Variants in DAB1 observed in about 807,000 individuals in gnomAD.
The protein encoded by DAB1 is disabled homolog 1.
Under a neutral mutation model 64.6 loss-of-function variants are expected in DAB1, and 15 were observed. That is an observed-to-expected ratio of 0.23 (90% CI 0.16 to 0.36). DAB1 has a LOEUF of 0.36. Ranked by LOEUF, DAB1 falls within the 10% of genes least tolerant of loss-of-function variation. The pLI, the probability that DAB1 is intolerant of heterozygous loss-of-function variation, is 1.00. For missense variants in DAB1, 596 were observed against 706.7 expected, an observed-to-expected ratio of 0.84 and a Z score of 1.78; for synonymous variants, 235 against 251.9, an observed-to-expected ratio of 0.93 and a Z score of 0.64.
Position 57,145,477 on chromosome 1 carries a change from G to A in DAB1, c.68-48C>T, listed in dbSNP as rs747420936. On this transcript the variant is annotated intron_variant, in intron 2 of 14. Coordinates refer to ENST00000371236, the MANE Select transcript of DAB1 (RefSeq NM_001365792.1). ...CAAATATGTAGCTGTGCAGACCCCA[G>A]TGGCTTTGAGTATCCACAATTCCAA... 17 of 1,591,386 alleles carry A rather than the reference G, an allele frequency of 1.1e-5. No individual in the cohort carries two copies. The South Asian group carries it at 1.8e-4, about 17-fold the overall frequency.
At chr1:57,388,335 C>T (rs1682057173) in intron 1 of DAB1, among the ~76,000 whole-genome samples, 2 of 152,204 alleles carry the variant, frequency 1.3e-5, no homozygotes, top group Admixed American at 6.5e-5. Context: ...TCATCCTAGA[C>T]AGCCCTGTTC....
intron 3 of DAB1, among the ~76,000 whole-genome samples, chr1:58,453,780 T>C (rs544193786): frequency 2.2e-4 from 34 of 152,246 alleles, no homozygotes; most frequent in African/African-American, 8.2e-4. Context: ...CTAGCTTTAG[T>C]AGAAGGCATT....
At chr1:58,196,433 T>G (rs1657680606) in intron 4 of DAB1, among the ~76,000 whole-genome samples, 1 of 152,174 alleles carries the variant, frequency 6.6e-6, no homozygotes, top group Non-Finnish European at 1.5e-5. Context: ...ACAAATACAC[T>G]TCATATACTT....
upstream of DAB1, among the ~76,000 whole-genome samples, chr1:57,886,261 C>A (rs1421951046): frequency 6.6e-6 from 1 of 151,650 alleles, no homozygotes; most frequent in Non-Finnish European, 1.5e-5. Context: ...CGGCTTCAAG[C>A]AATTCTCCTG....
At chr1:57,658,704 A>G (rs1646347869) in intron 6 of DAB1, among the ~76,000 whole-genome samples, 2 of 152,110 alleles carry the variant, frequency 1.3e-5, no homozygotes, top group Admixed American at 1.3e-4. Context: ...CTGGGATTAC[A>G]AGCATATGTC....
chr1:57,355,873 AACACACACACACACAC>A lies in DAB1; in HGVS notation c.-136-64723_-136-64708del, dbSNP rs10529674. On this transcript the variant is annotated intron_variant, in intron 1 of 14. Coordinates refer to ENST00000371236, the MANE Select transcript of DAB1 (RefSeq NM_001365792.1). The stretch of plus-strand genomic sequence containing the variant: ...CTAGCTTTTTTGTTAAACCTCAATA[AACACACACACACACAC>A]ACACACACACACACACACACACACA... Among the ~76,000 whole-genome samples the A allele has an allele frequency of 4.8e-5, 7 of 146,418 alleles. No individual in the cohort carries two copies. The East Asian group carries it at 8.8e-4, about 18-fold the overall frequency.
intron 4 of DAB1, among the ~76,000 whole-genome samples, chr1:58,322,065 C>T (rs866593777): frequency 6.6e-6 from 1 of 152,206 alleles, no homozygotes; most frequent in African/African-American, 2.4e-5. Flanking sequence ...GGATCCCTTC[C>T]TTACACCTTA....
At chr1:57,060,297 T>A (rs1313647) in intron 9 of DAB1, among the ~76,000 whole-genome samples, 1 of 151,514 alleles carries the variant, frequency 6.6e-6, no homozygotes, top group East Asian at 1.9e-4. Context: ...ATTACAGGCA[T>A]GCCTCACCAT....
intron 4 of DAB1, among the ~76,000 whole-genome samples, chr1:58,287,224 G>A (rs759128931): frequency 2.0e-5 from 3 of 152,052 alleles, no homozygotes; most frequent in Non-Finnish European, 4.4e-5. Context: ...TTAATACCTA[G>A]GTGATGAGTT....
intron 2 of DAB1, among the ~76,000 whole-genome samples, chr1:58,522,271 T>C (rs1261263701): frequency 6.6e-6 from 1 of 152,134 alleles, no homozygotes; most frequent in African/African-American, 2.4e-5. Flanking sequence ...TGACACATAT[T>C]TATTAATGTA....
chr1:57,592,329 C>T (rs1439877390), intron 7 of DAB1, among the ~76,000 whole-genome samples: 10 of 152,134 alleles, frequency 6.6e-5, no homozygotes, highest in Non-Finnish European at 1.5e-4. Flanking sequence ...GTTTGTGGAG[C>T]ACCCTGGGTT....
chr1:57,699,396 C>T (rs928213322), intron 6 of DAB1, among the ~76,000 whole-genome samples: 2 of 152,156 alleles, frequency 1.3e-5, no homozygotes, highest in Non-Finnish European at 2.9e-5. Context: ...TAGAAAGGGG[C>T]TCTGTCTCCA....
chr1:57,648,279 T>C (rs1329644730), intron 7 of DAB1, among the ~76,000 whole-genome samples: 1 of 152,122 alleles, frequency 6.6e-6, no homozygotes, highest in Non-Finnish European at 1.5e-5. Context: ...CATGCTATGG[T>C]GGTGGTGGGG....
At chr1:58,531,645 C>T (rs1465018123) in intron 1 of DAB1, among the ~76,000 whole-genome samples, 1 of 151,978 alleles carries the variant, frequency 6.6e-6, no homozygotes, top group Non-Finnish European at 1.5e-5. Context: ...CATACTTTAC[C>T]TCCTTATATT....
At chr1:58,288,421 A>G (rs1158227203) in intron 4 of DAB1, among the ~76,000 whole-genome samples, 1 of 152,190 alleles carries the variant, frequency 6.6e-6, no homozygotes, top group African/African-American at 2.4e-5. Context: ...CCCGGTAGCA[A>G]TCTCAGCCTT....
At chr1:57,695,324 G>GA (rs1646816495) in intron 6 of DAB1, among the ~76,000 whole-genome samples, 1 of 109,626 alleles carries the variant, frequency 9.1e-6, no homozygotes, top group Non-Finnish European at 1.9e-5. Context: ...AAGAAAGAAA[G>GA]AAAGAAAGAA....
intron 7 of DAB1, among the ~76,000 whole-genome samples, chr1:57,532,471 T>C (rs1437002758): frequency 6.6e-6 from 1 of 152,232 alleles, no homozygotes; most frequent in Non-Finnish European, 1.5e-5. Context: ...CTTTCCCATT[T>C]GGAAGCCATC....
chr1:58,294,592 C>G (rs1348980629), intron 4 of DAB1, among the ~76,000 whole-genome samples: 5 of 152,096 alleles, frequency 3.3e-5, no homozygotes, highest in Non-Finnish European at 7.4e-5. Flanking sequence ...CTAGATGTCA[C>G]AGAAACATGT....
chr1:57,636,096 C>CAAAAAAAAAAAAAAA (rs61007751), intron 7 of DAB1, among the ~76,000 whole-genome samples: 8 of 64,978 alleles, frequency 1.2e-4, no homozygotes, highest in African/African-American at 4.4e-4. Flanking sequence ...GACACGGTCT[C>CAAAAAAAAAAAAAAA]AAAAAAAAAA....
Sources: gnomAD v4.1 joint callset for allele counts (sites outside exome capture counted in the v4.1 genomes callset) on GRCh38, gnomAD v4.1.1 for gene constraint, MANE v1.5 for transcripts, NCBI Gene and HGNC (gene_info 2026-07-23, HGNC 2026-07-21) for gene names.